Variants in NPC1L1 observed in about 807,000 individuals in gnomAD.
NPC1L1 encodes the protein NPC1-like intracellular cholesterol transporter 1.
In NPC1L1, 98 loss-of-function variants were observed where a neutral mutation model predicts 117.0. The observed-to-expected ratio is 0.84, with a 90% CI of 0.71 to 0.99. The LOEUF is 0.99. NPC1L1 is among the 50% of genes least tolerant of loss of function. The pLI is 0.00. For missense variants in NPC1L1, 1,540 were observed against 1,710.0 expected (o/e 0.90, Z 1.75); for synonymous variants, 729 against 727.6 (o/e 1.00, Z -0.03).
chr7:44,539,293 C>A lies in NPC1L1; in HGVS notation c.1104G>T (p.Ala368=), dbSNP rs376897553. The change falls in exon 2 of 19, where the codon GCG becomes GCT. Residue 368 remains alanine, a synonymous_variant. Coordinates refer to ENST00000381160, the MANE Select transcript of NPC1L1 (RefSeq NM_001101648.2). This position sits in a 1 kb window ranked among gnomAD's most constrained non-coding sequence, Gnocchi z 4.4. ...TAGTGAGTTCTGTAAAGACCAGGCC[C>A]GCTGCCAAGGCCACCACCGGGATGA... ...LSVIPVVALA[A]GLVFTELTTD... The A allele has an allele frequency of 5.6e-6, 9 of 1,613,918 alleles. No homozygotes were observed. In the South Asian group the frequency reaches 9.9e-5, roughly 18 times the overall value.
intron 10 of NPC1L1, among the ~76,000 whole-genome samples, chr7:44,525,243 C>A (rs1305364437): frequency 6.6e-6 from 1 of 152,062 alleles, no homozygotes; most frequent in Admixed American, 6.6e-5. Context: ...ACTAAAGAAA[C>A]CCACACCAAC....
rs374630306 is a variant in NPC1L1 at position 44,538,945 on chromosome 7, G to A, written c.1452C>T (p.Asp484=). The A allele has an allele frequency of 4.9e-5, 79 of 1,614,116 alleles. No homozygotes were observed. Among genetic ancestry groups the A allele is most frequent in the Non-Finnish European group, 6.4e-5 (76 of 1,180,048 alleles). Residue 484 remains aspartate, a synonymous_variant, in exon 2 of 19, where the codon GAC becomes GAT. Coordinates refer to ENST00000381160, the MANE Select transcript of NPC1L1 (RefSeq NM_001101648.2). This position sits in a 1 kb window ranked among gnomAD's most constrained non-coding sequence, Gnocchi z 5.9. ...ACTGCAGGAGGCTGTTGATGCAGCA[G>A]TCGTAGAGACTGGTATTGTCCGGAT... ...PLNPDNTSLY[D]CCINSLLQYF... is the part of the protein sequence containing the mutation.
intron 10 of NPC1L1, among the ~76,000 whole-genome samples, chr7:44,531,151 C>T (rs1028602438): frequency 6.6e-6 from 1 of 152,180 alleles, no homozygotes; most frequent in Non-Finnish European, 1.5e-5. Flanking sequence ...CCAGAGGAGC[C>T]GGGTCCCCAG....
At position 44,520,817 on chromosome 7, in the gene NPC1L1, G is replaced by A. The variant is rs778564748; in HGVS notation, c.3084C>T (p.Gly1028=). 6.2e-7 allele frequency: 1 copy of A among 1,614,110 alleles called. No homozygotes were observed. The highest frequency in any genetic ancestry group is 8.5e-7 in the Non-Finnish European group (1 of 1,180,012). The change falls in exon 14 of 19, where the codon GGC becomes GGT. Residue 1028 remains glycine (G), a synonymous_variant. Transcript: ENST00000381160. ...DRPNIKCPKG[G]LAAYSTSVNL... is the part of the protein sequence containing the mutation. ...TCACAGAGGTGCTGTATGCTGCCAG[G>A]CCGCTGCAAGAAGGTCAGGGCAAAG...
intron 5 of NPC1L1, among the ~76,000 whole-genome samples, chr7:44,535,139 G>A (rs564924788): frequency 2.7e-4 from 41 of 152,188 alleles, no homozygotes; most frequent in African/African-American, 9.6e-4. Flanking sequence ...CTTTGGGTGG[G>A]CGGATCACCT....
chr7:44,516,682 T>C, intron 16 of NPC1L1, 21 bp downstream of exon 16: 1 of 1,580,136 alleles, frequency 6.3e-7, no homozygotes, highest in Admixed American at 1.8e-5. Context: ...GGCCCCCTGG[T>C]GCCTGTGTCT....
rs778621435 is a variant in NPC1L1 at position 44,533,794 on chromosome 7, C to G, written c.2226G>C (p.Arg742Ser). The change falls in exon 7 of 19, where the codon AGG becomes AGC. Residue 742 changes from arginine to serine, a missense_variant. By Grantham distance (110) the Arg-to-Ser change is moderately radical. This residue lies in a region of NPC1L1 where 742 missense variants were observed against 873.6 expected (regional missense o/e 0.85). Transcript: ENST00000381160. ...TGCACAACAGCATGCTGGGAGCCAC[C>G]CTGCCTAGGGCTCGCCCAATGTGGA... ...REVHIGRALG[R>S]VAPSMLLCSL... 1.2e-6 allele frequency: 2 copies of G among 1,614,026 alleles called. No individual in the cohort carries two copies. The highest frequency in any genetic ancestry group is 1.7e-6 in the Non-Finnish European group (2 of 1,180,002).
At chr7:44,537,571 G>T (rs141394411) in intron 2 of NPC1L1, among the ~76,000 whole-genome samples, 1 of 152,302 alleles carries the variant, frequency 6.6e-6, no homozygotes, top group East Asian at 1.9e-4. Context: ...CCGTCATTGC[G>T]AAGATGCAGT....
chr7:44,522,035 G>A lies in NPC1L1; in HGVS notation c.2828+17C>T, dbSNP rs1410708797. On this transcript the variant is annotated intron_variant, in intron 11 of 18. Coordinates refer to ENST00000381160, the MANE Select transcript of NPC1L1 (RefSeq NM_001101648.2). ...AACAGGGAGTAGGCTGGGGTTTGGGGCGGGCCAGGAACTCACTGCTCAGGG... is the reference window on the plus strand; with the variant it reads ...AACAGGGAGTAGGCTGGGGTTTGGGACGGGCCAGGAACTCACTGCTCAGGG... 1.2e-6 allele frequency: 2 copies of A among 1,613,088 alleles called. No individual in the cohort carries two copies. Among genetic ancestry groups the A allele is most frequent in the Non-Finnish European group, 1.7e-6 (2 of 1,179,542 alleles).
At chr7:44,527,304 C>A (rs1801547109) in intron 10 of NPC1L1, among the ~76,000 whole-genome samples, 1 of 150,800 alleles carries the variant, frequency 6.6e-6, no homozygotes, top group Non-Finnish European at 1.5e-5. Flanking sequence ...ACTAAAAATA[C>A]AAAATTAGCC....
intron 10 of NPC1L1, among the ~76,000 whole-genome samples, chr7:44,523,227 T>C (rs1481993149): frequency 6.6e-6 from 1 of 152,080 alleles, no homozygotes; most frequent in African/African-American, 2.4e-5. Context: ...AGCTGATTTT[T>C]GTATTTTTAA....
chr7:44,533,914 C>T, intron 6 of NPC1L1, 61 bp from the exon 7 acceptor site: 1 of 1,433,048 alleles, frequency 7.0e-7, no homozygotes, highest in Non-Finnish European at 9.6e-7. Flanking sequence ...CCTCAAAGGC[C>T]AGCAGGGAGT....
At position 44,535,953 on chromosome 7, in the gene NPC1L1, C is replaced by A. The variant is rs1350372646; in HGVS notation, c.1870G>T (p.Glu624Ter). The change falls in exon 5 of 19, where the codon GAG becomes TAG. Residue 624 changes from glutamate (E) to a stop codon, truncating the protein, a stop_gained. Transcript: ENST00000381160. LOFTEE classifies it high-confidence loss of function. ...TFMAERSLEDEINRTTAEDLP... is the reference protein window; with the variant it reads ...TFMAERSLED ...TCTTCAGCTGTGGTGCGATTGATCTCGTCTTCCAGAGAGCGCTGTGGACAC... is the reference window on the plus strand; with the variant it reads ...TCTTCAGCTGTGGTGCGATTGATCTAGTCTTCCAGAGAGCGCTGTGGACAC... 6.2e-7 allele frequency: 1 copy of A among 1,613,236 alleles called. No homozygotes were observed. The highest frequency in any genetic ancestry group is 8.5e-7 in the Non-Finnish European group (1 of 1,180,024).
chr7:44,530,197 G>A (rs1203708908), intron 10 of NPC1L1, among the ~76,000 whole-genome samples: 1 of 152,098 alleles, frequency 6.6e-6, no homozygotes, highest in Admixed American at 6.6e-5. Context: ...AATTAGCTGG[G>A]CGTGGTGGCG....
At position 44,517,337 on chromosome 7, in the gene NPC1L1, G is replaced by A; in HGVS notation, c.3157C>T (p.His1053Tyr). 6.2e-7 allele frequency: 1 copy of A among 1,613,058 alleles called. No homozygotes were observed. The highest frequency in any genetic ancestry group is 8.5e-7 in the Non-Finnish European group (1 of 1,180,022). The change falls in exon 15 of 19, where the codon CAC becomes TAC. Residue 1053 changes from histidine (H) to tyrosine (Y), a missense_variant. Transcript: ENST00000381160. ...QVLASRFMAY[H>Y]KPLKNSQDYT... Reference sequence around the variant, plus strand: ...TCCTGTGAGTTTTTCAGGGGCTTGTGATAGGCCATGAACCTGGAGGCTGGA... The same window carrying A: ...TCCTGTGAGTTTTTCAGGGGCTTGTAATAGGCCATGAACCTGGAGGCTGGA...
At chr7:44,533,601 G>C (rs780342864) in intron 7 of NPC1L1, 43 bp from the exon 8 acceptor site, 91 of 1,613,738 alleles carry the variant, frequency 5.6e-5, no homozygotes, top group Non-Finnish European at 7.7e-5. Context: ...TGGCTTCAAG[G>C]GCAGAGTGGT....
rs200554468 is a variant in NPC1L1 at position 44,539,594 on chromosome 7, C to A, written c.803G>T (p.Arg268Leu). 4.3e-6 allele frequency: 7 copies of A among 1,613,946 alleles called. No individual in the cohort carries two copies. Among genetic ancestry groups the A allele is most frequent in the South Asian group, 3.3e-5 (3 of 91,084 alleles). ...GAAGGTGGAGTCGAGGGCCTGGGGGCGGGCTATGGCAGGACAGGATGCAGC... is the reference window on the plus strand; with the variant it reads ...GAAGGTGGAGTCGAGGGCCTGGGGGAGGGCTATGGCAGGACAGGATGCAGC... ...DCAASCPAIARPQALDSTFYL... is the reference protein window; with the variant it reads ...DCAASCPAIALPQALDSTFYL... The change falls in exon 2 of 19, where the codon CGC becomes CTC. Residue 268 changes from arginine (R) to leucine (L), a missense_variant. Coordinates refer to ENST00000381160, the MANE Select transcript of NPC1L1 (RefSeq NM_001101648.2). The surrounding 1 kb of genome is among the most constrained non-coding windows in gnomAD (Gnocchi z 4.4).
At chr7:44,528,621 G>T (rs1801599442) in intron 10 of NPC1L1, among the ~76,000 whole-genome samples, 1 of 152,086 alleles carries the variant, frequency 6.6e-6, no homozygotes, top group South Asian at 2.1e-4. Context: ...TTCACTAGTA[G>T]CAATCAACTA....
chr7:44,540,096 C>A lies in NPC1L1; in HGVS notation c.301G>T (p.Ala101Ser). ...CSAKQLVSLEASLSITKALLT... is the reference protein window; with the variant it reads ...CSAKQLVSLESSLSITKALLT... ...AGGGCCTTGGTGATCGACAGACTCG[C>A]TTCCAGTGATACCAGCTGCTTGGCG... Residue 101 changes from alanine (A) to serine (S), a missense_variant, in exon 2 of 19, where the codon GCG becomes TCG. Around this residue, in one of 3 missense-constraint regions of NPC1L1, gnomAD observed 793 missense variants for 820.4 expected, o/e 0.97. Transcript: ENST00000381160. The A allele has an allele frequency of 6.2e-7, 1 of 1,614,182 alleles. No individual in the cohort carries two copies. The highest frequency in any genetic ancestry group is 8.5e-7 in the Non-Finnish European group (1 of 1,180,032).
Sources: allele counts gnomAD v4.1 joint callset (sites outside exome capture counted in the v4.1 genomes callset), GRCh38; gene constraint gnomAD v4.1.1; regional missense constraint gnomAD v4.1.1; non-coding constraint Gnocchi (gnomAD v3.1); transcripts MANE v1.5; gene names NCBI Gene and HGNC (gene_info 2026-07-23, HGNC 2026-07-21).